Variants in HOPX observed in about 807,000 individuals in gnomAD.
HOPX encodes HOP homeobox.
A neutral mutation model predicts 11.8 loss-of-function variants in HOPX; 5 were observed. That is an observed-to-expected ratio of 0.43 (90% confidence interval 0.22 to 0.89). The LOEUF is 0.89. Ranked by LOEUF, HOPX falls within the 40% of genes least tolerant of loss-of-function variation. HOPX has a pLI of 0.28. For missense variants in HOPX, 119 were observed against 120.0 expected, an observed-to-expected ratio of 0.99 and a Z score of 0.04; for synonymous variants, 49 against 49.7, an observed-to-expected ratio of 0.99 and a Z score of 0.06.
intron 3 of HOPX, among the ~76,000 whole-genome samples, chr4:56,653,863 A>G (rs1322084988): frequency 6.6e-6 from 1 of 152,230 alleles, no homozygotes; most frequent in African/African-American, 2.4e-5. Context: ...CCTCAGTCAC[A>G]GAAAAAAAGC....
chr4:56,664,625 A>G (rs1400001908), intron 1 of HOPX: 1 of 152,168 alleles, frequency 6.6e-6, no homozygotes, highest in East Asian at 1.9e-4. Context: ...TTGCTTTATC[A>G]TAACATGTAT....
intron 1 of HOPX, among the ~76,000 whole-genome samples, chr4:56,674,523 G>T (rs912126181): frequency 1.3e-5 from 2 of 151,590 alleles, no homozygotes; most frequent in Non-Finnish European, 2.9e-5. Flanking sequence ...CAGCCAAAAT[G>T]ACTGCCACTG....
At chr4:56,673,672 C>A (rs777182705) in intron 1 of HOPX, among the ~76,000 whole-genome samples, 1 of 152,182 alleles carries the variant, frequency 6.6e-6, no homozygotes, top group Non-Finnish European at 1.5e-5. Context: ...CTTGTCCAAG[C>A]TAAATAACAT....
chr4:56,678,053 G>A (rs1160469768), intron 1 of HOPX, among the ~76,000 whole-genome samples: 2 of 151,660 alleles, frequency 1.3e-5, no homozygotes, highest in Non-Finnish European at 2.9e-5. Context: ...CACCTTGGAG[G>A]CCCTGAGTAA....
chr4:56,664,017 T>C (rs1718294783), intron 1 of HOPX: 1 of 152,228 alleles, frequency 6.6e-6, no homozygotes, highest in South Asian at 2.1e-4. Context: ...ATTTCATTTA[T>C]GTAAAGAAGG....
intron 1 of HOPX, among the ~76,000 whole-genome samples, chr4:56,658,252 T>C (rs1717897949): frequency 6.6e-6 from 1 of 152,262 alleles, no homozygotes; most frequent in Non-Finnish European, 1.5e-5. Flanking sequence ...ATTTAATTCC[T>C]GTTATAACAC....
chr4:56,670,862 T>C (rs1718694324), intron 1 of HOPX, among the ~76,000 whole-genome samples: 1 of 151,950 alleles, frequency 6.6e-6, no homozygotes, highest in Non-Finnish European at 1.5e-5. Context: ...CCAGGCATGA[T>C]GGCAGGTGCC....
chr4:56,666,393 A>G (rs1219282177), intron 1 of HOPX, among the ~76,000 whole-genome samples: 1 of 152,242 alleles, frequency 6.6e-6, no homozygotes, highest in East Asian at 1.9e-4. Context: ...TGTTGTTGAA[A>G]CAAGTCTCTC....
At chr4:56,656,191 C>G (rs999217311) in intron 2 of HOPX, 179 bp from the exon 3 acceptor site, 20 of 1,117,216 alleles carry the variant, frequency 1.8e-5, no homozygotes, top group Admixed American at 8.9e-5. Flanking sequence ...GGCTGCCCCC[C>G]ACCCGGGCCT....
intron 1 of HOPX, chr4:56,676,515 G>T (rs1292065624): frequency 6.6e-6 from 1 of 151,540 alleles, no homozygotes; most frequent in Non-Finnish European, 1.5e-5. Flanking sequence ...TATCAGTCTT[G>T]CAAACTTGTC....
chr4:56,670,310 A>T lies in HOPX; in HGVS notation c.-84+10945T>A, dbSNP rs1376367687. Among the ~76,000 whole-genome samples the T allele has an allele frequency of 2.0e-5, 3 of 152,228 alleles. No individual in the cohort carries two copies. In the East Asian group the frequency reaches 5.8e-4, roughly 29 times the overall value. ...ATTGTATTATCAAATCTCTTTGAAAATGTCTAATGTCCTAATACACCAAGA... is the reference window on the plus strand; with the variant it reads ...ATTGTATTATCAAATCTCTTTGAAATTGTCTAATGTCCTAATACACCAAGA... On this transcript the variant is annotated intron_variant, in intron 1 of 3. Coordinates refer to ENST00000420433, the MANE Select transcript of HOPX (RefSeq NM_032495.6).
At chr4:56,669,702 T>C (rs1281453110) in intron 1 of HOPX, among the ~76,000 whole-genome samples, 6 of 136,058 alleles carry the variant, frequency 4.4e-5, no homozygotes, top group East Asian at 2.2e-4. Flanking sequence ...ATAATAATAA[T>C]AACACCAGTA....
intron 1 of HOPX, among the ~76,000 whole-genome samples, chr4:56,676,148 AT>A (rs1450928395): frequency 4.6e-5 from 7 of 151,462 alleles, no homozygotes; most frequent in African/African-American, 1.5e-4. Context: ...ACTACAAAAA[AT>A]TAGCCAGGTG....
At chr4:56,669,102 A>G (rs1312714305) in intron 1 of HOPX, among the ~76,000 whole-genome samples, 1 of 152,128 alleles carries the variant, frequency 6.6e-6, no homozygotes, top group African/African-American at 2.4e-5. Context: ...CTTCTGAGGG[A>G]GTTTCTCTTC....
intron 3 of HOPX, among the ~76,000 whole-genome samples, chr4:56,654,752 C>T (rs867764228): frequency 9.2e-5 from 14 of 152,256 alleles, no homozygotes; most frequent in Middle Eastern, 3.4e-3. Flanking sequence ...TCTACTGGAT[C>T]CATTACAAGC....
At chr4:56,680,912 G>T in intron 1 of HOPX, 1 of 372,842 alleles carries the variant, frequency 2.7e-6, no homozygotes, top group Non-Finnish European at 3.7e-6. Flanking sequence ...GCTTCTAAAT[G>T]AGAAAATCAT....
chr4:56,672,615 T>TA (rs1211911186), intron 1 of HOPX: 1 of 152,008 alleles, frequency 6.6e-6, no homozygotes, highest in Non-Finnish European at 1.5e-5. Context: ...TTTGATTGGC[T>TA]AAAAAATTAT....
intron 1 of HOPX, among the ~76,000 whole-genome samples, chr4:56,674,892 T>C (rs1156763137): frequency 7.0e-6 from 1 of 142,136 alleles, no homozygotes; most frequent in Non-Finnish European, 1.5e-5. Context: ...AAACTACAAG[T>C]GTGTGCCACT....
chr4:56,660,311 AATAC>A (rs1274422878), intron 1 of HOPX, among the ~76,000 whole-genome samples: 2 of 152,228 alleles, frequency 1.3e-5, no homozygotes, highest in Non-Finnish European at 2.9e-5. Flanking sequence ...ATACATCCCA[AATAC>A]ATAGCATCAT....
Sources: gnomAD v4.1 joint callset for allele counts (sites outside exome capture counted in the v4.1 genomes callset) on GRCh38, gnomAD v4.1.1 for gene constraint, MANE v1.5 for transcripts, NCBI Gene and HGNC (gene_info 2026-07-23, HGNC 2026-07-21) for gene names.